Variants in THOC2 observed in about 807,000 individuals in gnomAD.
The protein encoded by THOC2 is THO complex 2.
A neutral mutation model predicts 128.4 loss-of-function variants in THOC2; 10 were observed. That is an observed-to-expected ratio of 0.08 (90% confidence interval 0.05 to 0.13). The LOEUF (loss-of-function observed/expected upper bound fraction) is 0.13, where lower values mean the gene tolerates loss of function less well. Ranked by LOEUF, THOC2 falls within the 10% of genes least tolerant of loss-of-function variation. THOC2 has a pLI of 1.00. For missense variants in THOC2, 535 were observed against 1,155.7 expected, an observed-to-expected ratio of 0.46 and a Z score of 7.79; for synonymous variants, 393 against 396.9, an observed-to-expected ratio of 0.99 and a Z score of 0.12.
Position 123,621,265 on chromosome X carries a change from C to T in THOC2, c.4108G>A (p.Ala1370Thr). Residue 1370 changes from alanine (A) to threonine (T), a missense_variant, in exon 31 of 39, where the codon GCA becomes ACA. Ala to Thr is a moderately conservative substitution (Grantham distance 58). This residue lies in a region of THOC2 where 116 missense variants were observed against 180.0 expected (regional missense o/e 0.64). Coordinates refer to ENST00000245838, the MANE Select transcript of THOC2 (RefSeq NM_001081550.2). ...EKEPSRERDIAKEMKSKENVK... is the reference protein window; with the variant it reads ...EKEPSRERDITKEMKSKENVK... Reference sequence around the variant, plus strand: ...TTTTCCTTTGATTTCATTTCCTTTGCTATATCTCTTTCTCTGGATGGCTCC... The same window carrying T: ...TTTTCCTTTGATTTCATTTCCTTTGTTATATCTCTTTCTCTGGATGGCTCC... 8.3e-7 allele frequency: 1 copy of T among 1,211,264 alleles called. No homozygotes were observed. Among genetic ancestry groups the T allele is most frequent in the East Asian group, 3.0e-5 (1 of 33,821 alleles).
chrX:123,651,070 T>C, intron 12 of THOC2, among the ~76,000 whole-genome samples: 1 of 111,671 alleles, frequency 9.0e-6, no homozygotes, highest in East Asian at 2.8e-4. Flanking sequence ...AAAAGACTCC[T>C]CAGGACATGC....
chrX:123,633,901 G>T, intron 20 of THOC2, 52 bp downstream of exon 20: 3 of 756,758 alleles, frequency 4.0e-6, no homozygotes, highest in Non-Finnish European at 6.0e-6. Context: ...TACTATGACC[G>T]TGCATACATT....
At chrX:123,642,950 AAAC>A (rs1354638878) in intron 15 of THOC2, among the ~76,000 whole-genome samples, 3 of 111,329 alleles carry the variant, frequency 2.7e-5, no homozygotes, top group Non-Finnish European at 5.6e-5. Context: ...ACTATTCAAA[AAAC>A]AATCATAGCA....
At chrX:123,721,395 A>T (rs1023120121) in intron 1 of THOC2, among the ~76,000 whole-genome samples, 15 of 107,968 alleles carry the variant, frequency 1.4e-4, no homozygotes, top group African/African-American at 4.7e-4. Context: ...CCAGTCTCGA[A>T]CTCCTGACCA....
intron 1 of THOC2, among the ~76,000 whole-genome samples, chrX:123,720,119 C>T (rs2051623093): frequency 9.3e-6 from 1 of 107,947 alleles, no homozygotes; most frequent in African/African-American, 3.4e-5. Flanking sequence ...GCACTCCAGC[C>T]TAGGCAACAG....
chrX:123,683,049 T>C (rs1418611940), intron 8 of THOC2, among the ~76,000 whole-genome samples: 2 of 111,761 alleles, frequency 1.8e-5, no homozygotes, highest in African/African-American at 6.5e-5. Flanking sequence ...ACAAGTTGAG[T>C]ATCCCTCATC....
At chrX:123,729,026 A>G (rs1352399037) in intron 1 of THOC2, among the ~76,000 whole-genome samples, 2 of 112,432 alleles carry the variant, frequency 1.8e-5, no homozygotes, top group African/African-American at 6.4e-5. Context: ...CTACCAGTAC[A>G]TGCAAGTTTA....
intron 2 of THOC2, among the ~76,000 whole-genome samples, chrX:123,711,399 G>A (rs1321095692): frequency 9.1e-6 from 1 of 109,962 alleles, no homozygotes; most frequent in East Asian, 2.9e-4. Flanking sequence ...CCAACAATTT[G>A]GGAGCCTGAG....
At chrX:123,729,673 T>C (rs2052146751) in intron 1 of THOC2, among the ~76,000 whole-genome samples, 1 of 112,726 alleles carries the variant, frequency 8.9e-6, no homozygotes, top group East Asian at 2.8e-4. Context: ...ACCCAAGGTA[T>C]AATTTTAAAT....
At chrX:123,657,960 C>CGTGTGT (rs60969537) in intron 12 of THOC2, among the ~76,000 whole-genome samples, 73 of 94,816 alleles carry the variant, frequency 7.7e-4, no homozygotes, top group East Asian at 3.1e-3. Flanking sequence ...TACGCATATG[C>CGTGTGT]GTGTGTGTGT....
chrX:123,704,091 C>T (rs2050826698), intron 3 of THOC2, among the ~76,000 whole-genome samples: 3 of 110,842 alleles, frequency 2.7e-5, no homozygotes, highest in African/African-American at 6.6e-5. Flanking sequence ...GAAACCTAAA[C>T]AAGCACTTTA....
intron 12 of THOC2, among the ~76,000 whole-genome samples, chrX:123,649,270 C>A (rs1364711627): frequency 9.0e-6 from 1 of 111,666 alleles, no homozygotes; most frequent in Admixed American, 9.5e-5. Flanking sequence ...AGAGTCAACA[C>A]CAACAAATAG....
intron 7 of THOC2, among the ~76,000 whole-genome samples, chrX:123,689,691 A>T (rs1465455573): frequency 1.8e-5 from 2 of 111,943 alleles, no homozygotes; most frequent in Non-Finnish European, 3.8e-5. Context: ...AAGTGCTGGG[A>T]TTGCAAGCAT....
chrX:123,710,944 C>G (rs746863489), intron 2 of THOC2, among the ~76,000 whole-genome samples: 1 of 100,706 alleles, frequency 9.9e-6, no homozygotes, highest in South Asian at 5.3e-4. Context: ...GAGCCAAGAT[C>G]GCGCCATTGC....
chrX:123,634,432 A>C (rs146241823), intron 19 of THOC2, among the ~76,000 whole-genome samples: 1,368 of 110,464 alleles, frequency 0.012, 13 homozygotes, highest in Non-Finnish European at 0.015. Flanking sequence ...ATAGTCACAC[A>C]CTCAATTTTT....
chrX:123,668,340 T>C (rs1341429684), intron 9 of THOC2, 26 bp from the exon 10 acceptor site: 1 of 1,047,318 alleles, frequency 9.5e-7, no homozygotes, highest in Non-Finnish European at 1.3e-6. Flanking sequence ...TAAAATTTCA[T>C]AAAATAGCTA....
At chrX:123,708,500 G>GT (rs1254312052) in intron 2 of THOC2, among the ~76,000 whole-genome samples, 1 of 108,848 alleles carries the variant, frequency 9.2e-6, no homozygotes, top group Non-Finnish European at 1.9e-5. Context: ...AATTAAGGTG[G>GT]TTTTTTTGGC....
intron 3 of THOC2, among the ~76,000 whole-genome samples, chrX:123,705,980 C>T (rs1199753062): frequency 2.7e-5 from 3 of 111,222 alleles, no homozygotes; most frequent in Admixed American, 9.6e-5. Context: ...AAGAACAGCA[C>T]GCCACTTGTA....
chrX:123,712,185 C>T (rs897376418), intron 2 of THOC2, among the ~76,000 whole-genome samples: 1 of 110,323 alleles, frequency 9.1e-6, no homozygotes, highest in Non-Finnish European at 1.9e-5. Context: ...GGGTTTTACC[C>T]CCAACAATAC....
Sources: allele counts gnomAD v4.1 joint callset (sites outside exome capture counted in the v4.1 genomes callset), GRCh38; gene constraint gnomAD v4.1.1; regional missense constraint gnomAD v4.1.1; transcripts MANE v1.5; gene names NCBI Gene and HGNC (gene_info 2026-07-23, HGNC 2026-07-21).